MDGA2: variants seen among roughly 807,000 people sequenced by gnomAD.
MDGA2 encodes the protein MAM domain-containing glycosylphosphatidylinositol anchor protein 2.
In MDGA2, 40 loss-of-function variants were observed where a neutral mutation model predicts 117.8. That is an observed-to-expected ratio of 0.34 (90% CI 0.26 to 0.44). MDGA2 has a LOEUF of 0.44. Ranked by LOEUF, MDGA2 falls within the 20% of genes least tolerant of loss-of-function variation. MDGA2 has a pLI of 1.00. For missense variants in MDGA2, 1,123 were observed against 1,250.6 expected (o/e 0.90, Z 1.54); for synonymous variants, 452 against 439.0 (o/e 1.03, Z -0.37).
At chr14:46,928,153 AT>A (rs1884401208) in intron 9 of MDGA2, among the ~76,000 whole-genome samples, 1 of 152,102 alleles carries the variant, frequency 6.6e-6, no homozygotes, top group Non-Finnish European at 1.5e-5. Context: ...TATTTAAAAC[AT>A]TCTGTATCAA....
At chr14:47,178,150 A>C (rs1884551999) in intron 3 of MDGA2, among the ~76,000 whole-genome samples, 1 of 152,160 alleles carries the variant, frequency 6.6e-6, no homozygotes, top group African/African-American at 2.4e-5. Context: ...AAAAAAGTTA[A>C]AGGCATTAAG....
chr14:47,083,007 C>A (rs1890764238), intron 6 of MDGA2, among the ~76,000 whole-genome samples: 1 of 151,606 alleles, frequency 6.6e-6, no homozygotes, highest in Non-Finnish European at 1.5e-5. Flanking sequence ...GAAGATGGAA[C>A]AATAAGCAAT....
intron 3 of MDGA2, among the ~76,000 whole-genome samples, chr14:47,205,407 C>A (rs1281039783): frequency 6.6e-6 from 1 of 151,882 alleles, no homozygotes; most frequent in African/African-American, 2.4e-5. Flanking sequence ...ATTTTAATAT[C>A]TCCAAGCCTA....
intron 7 of MDGA2, among the ~76,000 whole-genome samples, chr14:47,056,336 AATAATT>A (rs1889675364): frequency 6.6e-6 from 1 of 152,136 alleles, no homozygotes; most frequent in Non-Finnish European, 1.5e-5. Flanking sequence ...GGTTAACTAA[AATAATT>A]ATAGTAACTA....
At chr14:46,844,381 A>G (rs1880735677) in intron 16 of MDGA2, among the ~76,000 whole-genome samples, 1 of 152,106 alleles carries the variant, frequency 6.6e-6, no homozygotes, top group Non-Finnish European at 1.5e-5. Context: ...GGAGTTCGAG[A>G]CCAGCCTGGC....
intron 3 of MDGA2, among the ~76,000 whole-genome samples, chr14:47,165,662 T>C (rs968622869): frequency 3.9e-5 from 6 of 152,220 alleles, no homozygotes; most frequent in African/African-American, 1.4e-4. Flanking sequence ...TAAATCAAAG[T>C]GGAAGGGTCT....
chr14:47,051,670 C>G (rs930023529), intron 7 of MDGA2, among the ~76,000 whole-genome samples: 2 of 151,790 alleles, frequency 1.3e-5, no homozygotes, highest in Non-Finnish European at 2.9e-5. Context: ...TTAAACACAC[C>G]ACATACAAAT....
At chr14:47,646,739 C>A (rs1594961092) in intron 1 of MDGA2, among the ~76,000 whole-genome samples, 1 of 152,174 alleles carries the variant, frequency 6.6e-6, no homozygotes, top group South Asian at 2.1e-4. Context: ...AAATATGGCA[C>A]ATTCTGCACA....
chr14:46,983,023 T>C (rs1439695152), intron 8 of MDGA2, among the ~76,000 whole-genome samples: 2 of 152,172 alleles, frequency 1.3e-5, no homozygotes, highest in Non-Finnish European at 1.5e-5. Context: ...TGAAGGGTTG[T>C]TGAATTTTGT....
At chr14:47,408,056 C>CTTTTTTTTTTT (rs56285818) in intron 1 of MDGA2, among the ~76,000 whole-genome samples, 1 of 115,186 alleles carries the variant, frequency 8.7e-6, no homozygotes. Context: ...GGAGATTATT[C>CTTTTTTTTTTT]TTTTTTTTTT....
chr14:47,189,609 G>A (rs1172289897), intron 3 of MDGA2, among the ~76,000 whole-genome samples: 1 of 152,034 alleles, frequency 6.6e-6, no homozygotes, highest in Non-Finnish European at 1.5e-5. Flanking sequence ...TCATTGATTT[G>A]CAGTTTCATG....
intron 1 of MDGA2, among the ~76,000 whole-genome samples, chr14:47,534,920 G>A (rs1176041364): frequency 6.6e-6 from 1 of 152,210 alleles, no homozygotes; most frequent in Non-Finnish European, 1.5e-5. Flanking sequence ...TTTGGACACA[G>A]CTGAAGGAAC....
intron 1 of MDGA2, among the ~76,000 whole-genome samples, chr14:47,302,790 GC>G (rs1889324993): frequency 6.6e-6 from 1 of 152,064 alleles, no homozygotes; most frequent in Non-Finnish European, 1.5e-5. Flanking sequence ...TAACATAAAT[GC>G]ACAGTCTACC....
chr14:47,246,021 T>C (rs1257833013), intron 2 of MDGA2, among the ~76,000 whole-genome samples: 1 of 151,886 alleles, frequency 6.6e-6, no homozygotes, highest in African/African-American at 2.4e-5. Context: ...TTAGTGGAGC[T>C]GAGCTTCACA....
At chr14:46,954,330 AG>A (rs1267581940) in intron 9 of MDGA2, among the ~76,000 whole-genome samples, 1 of 152,010 alleles carries the variant, frequency 6.6e-6, no homozygotes, top group Non-Finnish European at 1.5e-5. Flanking sequence ...TTTTAACAGC[AG>A]GGTTCTTTGA....
chr14:46,967,273 G>C (rs1886073655), intron 8 of MDGA2, among the ~76,000 whole-genome samples: 1 of 152,052 alleles, frequency 6.6e-6, no homozygotes, highest in South Asian at 2.1e-4. Flanking sequence ...CATTGGAGGA[G>C]CACTGAGAAA....
intron 1 of MDGA2, among the ~76,000 whole-genome samples, chr14:47,416,171 C>T (rs559043565): frequency 6.6e-5 from 10 of 151,986 alleles, no homozygotes; most frequent in South Asian, 2.1e-4. Flanking sequence ...ATGGATGAGA[C>T]GAAAGGTATA....
At chr14:47,472,892 T>A (rs989157304) in intron 1 of MDGA2, among the ~76,000 whole-genome samples, 2 of 152,258 alleles carry the variant, frequency 1.3e-5, no homozygotes, top group Admixed American at 6.5e-5. Context: ...TACAGGAGTG[T>A]CTGGCTTTTT....
intron 1 of MDGA2, among the ~76,000 whole-genome samples, chr14:47,520,493 G>A (rs546146731): frequency 1.3e-5 from 2 of 152,170 alleles, no homozygotes; most frequent in South Asian, 2.1e-4. Flanking sequence ...ACTTCCTAAC[G>A]TAAAAATCTA....
Sources: gnomAD v4.1 joint callset for allele counts (sites outside exome capture counted in the v4.1 genomes callset) on GRCh38, gnomAD v4.1.1 for gene constraint, MANE v1.5 for transcripts, NCBI Gene and HGNC (gene_info 2026-07-23, HGNC 2026-07-21) for gene names.